The following DHRS3 variants were observed in gnomAD, a reference collection of about 807,000 sequenced individuals.
DHRS3 encodes the protein dehydrogenase/reductase 3.
Under a neutral mutation model 27.2 loss-of-function variants are expected in DHRS3, and 14 were observed. That is an observed-to-expected ratio of 0.52 (90% CI 0.34 to 0.81). The LOEUF is 0.81. DHRS3 is among the 30% of genes least tolerant of loss of function. DHRS3 has a pLI of 0.01. For synonymous variants in DHRS3, 165 were observed against 175.9 expected (o/e 0.94, Z 0.49); for missense variants, 322 against 406.2 (o/e 0.79, Z 1.78).
chr1:12,609,682 A>T (rs1646894056), intron 1 of DHRS3, among the ~76,000 whole-genome samples: 1 of 152,126 alleles, frequency 6.6e-6, no homozygotes, highest in Non-Finnish European at 1.5e-5. Context: ...TGACACCTCC[A>T]CCACCTGCCT....
chr1:12,597,145 C>T (rs561177026), intron 1 of DHRS3, among the ~76,000 whole-genome samples: 6 of 152,278 alleles, frequency 3.9e-5, no homozygotes, highest in Admixed American at 1.3e-4. Flanking sequence ...GGCGCGATCT[C>T]GGCTCACTGC....
intron 3 of DHRS3, 124 bp downstream of exon 3, chr1:12,579,169 G>T: frequency 6.6e-7 from 1 of 1,514,892 alleles, no homozygotes; most frequent in Non-Finnish European, 9.0e-7. Context: ...GTCTTGTCTG[G>T]CCACCTTGTT....
intron 1 of DHRS3, among the ~76,000 whole-genome samples, chr1:12,584,806 A>G (rs1316236261): frequency 2.0e-5 from 3 of 152,168 alleles, no homozygotes; most frequent in African/African-American, 7.2e-5. Context: ...TGCTGTGCGC[A>G]TGCCCTGCTG....
intron 1 of DHRS3, among the ~76,000 whole-genome samples, chr1:12,611,482 T>C (rs756988480): frequency 4.6e-5 from 7 of 152,200 alleles, no homozygotes; most frequent in Non-Finnish European, 7.3e-5. Flanking sequence ...TGAGGGAGTT[T>C]TGAATGGGTG....
chr1:12,588,461 G>C (rs1241780323), intron 1 of DHRS3, among the ~76,000 whole-genome samples: 1 of 152,170 alleles, frequency 6.6e-6, no homozygotes, highest in Admixed American at 6.5e-5. Context: ...CCTGACTCAG[G>C]ATACCCATTC....
intron 1 of DHRS3, among the ~76,000 whole-genome samples, chr1:12,602,237 G>A (rs1057378732): frequency 1.3e-5 from 2 of 152,222 alleles, no homozygotes; most frequent in African/African-American, 4.8e-5. Flanking sequence ...GACCAGAGAG[G>A]AGGCTGTACC....
At chr1:12,600,224 C>T in intron 1 of DHRS3, 1 of 269,724 alleles carries the variant, frequency 3.7e-6, no homozygotes, top group Non-Finnish European at 5.7e-6. Flanking sequence ...TGTACACGTA[C>T]ACACACACAC....
In DHRS3 at chr1:12,592,016, GACAGA is replaced by G. The variant is rs1194875435; in HGVS notation, c.196-11355_196-11351del. Among the ~76,000 whole-genome samples, 9 of 152,208 alleles carry G rather than the reference GACAGA, an allele frequency of 5.9e-5. No homozygotes were observed. Among genetic ancestry groups the G allele is most frequent in the Non-Finnish European group, 8.8e-5 (6 of 68,034 alleles). On this transcript the variant is annotated intron_variant, in intron 1 of 5. Transcript: ENST00000616661. This position sits in a 1 kb window ranked among gnomAD's most constrained non-coding sequence, Gnocchi z 4.2. Reference sequence around the variant, plus strand: ...GGGCTCAGGTGGGAGGACAGGTGAGGACAGAAGCTGTTCTGAGCATGGGTCAGCAC... The same window carrying G: ...GGGCTCAGGTGGGAGGACAGGTGAGGAGCTGTTCTGAGCATGGGTCAGCAC...
chr1:12,615,062 G>A (rs967825609), intron 1 of DHRS3, among the ~76,000 whole-genome samples: 1 of 152,106 alleles, frequency 6.6e-6, no homozygotes, highest in African/African-American at 2.4e-5. Flanking sequence ...TGGCTCTGGG[G>A]GTTTGTCCCA....
intron 1 of DHRS3, among the ~76,000 whole-genome samples, chr1:12,602,651 C>T (rs1646843590): frequency 6.6e-6 from 1 of 152,240 alleles, no homozygotes. Context: ...GTGGTTGTCT[C>T]TTGGAAACGC....
In DHRS3 at chr1:12,568,475, CA is replaced by C. The variant is rs141643172; in HGVS notation, c.825-52del. 5.9e-4 allele frequency: 940 copies of C among 1,584,362 alleles called. 14 individuals are homozygous for C. The East Asian group carries it at 0.02, about 34-fold the overall frequency. On this transcript the variant is annotated intron_variant, in intron 5 of 5. Coordinates refer to ENST00000616661, the MANE Select transcript of DHRS3 (RefSeq NM_004753.7). ...TAGCGATGGTTAGTGGGGCAGGATCCAGGGGCTGGGTCGCTGGTGGCCATGT... is the reference window on the plus strand; with the variant it reads ...TAGCGATGGTTAGTGGGGCAGGATCCGGGGCTGGGTCGCTGGTGGCCATGT...
At chr1:12,582,869 C>A (rs1424208780) in intron 1 of DHRS3, among the ~76,000 whole-genome samples, 2 of 150,022 alleles carry the variant, frequency 1.3e-5, no homozygotes, top group Non-Finnish European at 3.0e-5. Flanking sequence ...ATCCATCCAT[C>A]CATCCCTCCC....
At position 12,578,293 on chromosome 1, in the gene DHRS3, C is replaced by A. The variant is rs891267536; in HGVS notation, c.698+425G>T. On this transcript the variant is annotated intron_variant, in intron 4 of 5. Coordinates refer to ENST00000616661, the MANE Select transcript of DHRS3 (RefSeq NM_004753.7). This position sits in a 1 kb window ranked among gnomAD's most constrained non-coding sequence, Gnocchi z 4.5. ...GAGAACCAGGTAAGACAGCGTCAAA[C>A]AGAGGGTAGAGGCTCCTTGGTGACT... 1.3e-5 allele frequency among the ~76,000 whole-genome samples: 2 copies of A among 151,988 alleles called. No homozygotes were observed. The highest frequency in any genetic ancestry group is 2.9e-5 in the Non-Finnish European group (2 of 68,026).
intron 1 of DHRS3, among the ~76,000 whole-genome samples, chr1:12,607,364 G>A (rs187594800): frequency 7.2e-5 from 11 of 152,316 alleles, no homozygotes; most frequent in Middle Eastern, 3.4e-3. Flanking sequence ...TCTGCCAAGG[G>A]AGAGATGAGG....
In DHRS3 at chr1:12,585,515, G is replaced by A. The variant is rs114934150; in HGVS notation, c.196-4849C>T. ...ACCTTCCATCTTAGGAACCGGTAGCGTCTCTGAAGTGCTGGGCTGGCGCCT... is the reference window on the plus strand; with the variant it reads ...ACCTTCCATCTTAGGAACCGGTAGCATCTCTGAAGTGCTGGGCTGGCGCCT... On this transcript the variant is annotated intron_variant, in intron 1 of 5. Transcript: ENST00000616661. 6.2e-3 allele frequency among the ~76,000 whole-genome samples: 951 copies of A among 152,306 alleles called. 5 individuals are homozygous for A. The highest frequency in any genetic ancestry group is 0.031 in the Middle Eastern group (9 of 294).
At chr1:12,616,453 C>A (rs975500128) in intron 1 of DHRS3, 23 of 692,542 alleles carry the variant, frequency 3.3e-5, no homozygotes, top group Non-Finnish European at 4.1e-5. Context: ...ACCCTCCTTG[C>A]AGCACCACCT....
At chr1:12,581,784 T>C (rs1392871137) in intron 1 of DHRS3, among the ~76,000 whole-genome samples, 1 of 152,018 alleles carries the variant, frequency 6.6e-6, no homozygotes, top group African/African-American at 2.4e-5. Flanking sequence ...AGAACCAGCT[T>C]CACCAGCACA....
intron 1 of DHRS3, among the ~76,000 whole-genome samples, chr1:12,588,258 C>T (rs56184605): frequency 6.6e-6 from 1 of 152,208 alleles, no homozygotes; most frequent in Non-Finnish European, 1.5e-5. Flanking sequence ...AACAACAGCA[C>T]CACCACTATA....
chr1:12,609,426 C>A (rs1646892273), intron 1 of DHRS3, among the ~76,000 whole-genome samples: 1 of 152,170 alleles, frequency 6.6e-6, no homozygotes, highest in Admixed American at 6.5e-5. Context: ...CTGCCTCCCA[C>A]CCCCTCCAAC....
Sources: allele counts gnomAD v4.1 joint callset (sites outside exome capture counted in the v4.1 genomes callset), GRCh38; gene constraint gnomAD v4.1.1; non-coding constraint Gnocchi (gnomAD v3.1); transcripts MANE v1.5; gene names NCBI Gene and HGNC (gene_info 2026-07-23, HGNC 2026-07-21).